The following CUL9 variants were observed in gnomAD, a reference collection of about 807,000 sequenced individuals.
The protein encoded by CUL9 is cullin 9, also known as cullin-9.
Under a neutral mutation model 272.6 loss-of-function variants are expected in CUL9, and 79 were observed. That is an observed-to-expected ratio of 0.29 (90% confidence interval 0.24 to 0.35). The LOEUF is 0.35. Ranked by LOEUF, CUL9 falls within the 10% of genes least tolerant of loss-of-function variation. CUL9 has a pLI of 1.00. For synonymous variants in CUL9, 1,186 were observed against 1,286.5 expected (o/e 0.92, Z 1.67); for missense variants, 2,532 against 3,255.6 (o/e 0.78, Z 5.41).
intron 26 of CUL9, among the ~76,000 whole-genome samples, chr6:43,210,841 A>G (rs1172248934): frequency 6.6e-6 from 1 of 152,178 alleles, no homozygotes; most frequent in Non-Finnish European, 1.5e-5. Context: ...TTAAAGAAGA[A>G]TAAATTTAAC....
At chr6:43,189,416 C>G (rs995530903) in intron 8 of CUL9, among the ~76,000 whole-genome samples, 3 of 152,156 alleles carry the variant, frequency 2.0e-5, no homozygotes, top group African/African-American at 7.2e-5. Context: ...GATCTTCTGA[C>G]CTCGTGATCT....
intron 31 of CUL9, among the ~76,000 whole-genome samples, chr6:43,219,418 G>A (rs540986310): frequency 6.6e-6 from 1 of 152,304 alleles, no homozygotes; most frequent in South Asian, 2.1e-4. Flanking sequence ...CAGGGCAGAG[G>A]GGGACCCTGA....
chr6:43,191,252 TTGTGTGTGTGTGTGTGTGTGTG>T (rs58122260), intron 8 of CUL9, among the ~76,000 whole-genome samples: 1 of 126,974 alleles, frequency 7.9e-6, no homozygotes, highest in Non-Finnish European at 1.6e-5. Context: ...CTAAATTGCA[TTGTGTGTGTGTGTGTGTGTGTG>T]TGTGTGTGTG....
At position 43,223,446 on chromosome 6, in the gene CUL9, A is replaced by G. The variant is rs374848518; in HGVS notation, c.7284+49A>G. 2.6e-6 allele frequency: 4 copies of G among 1,542,928 alleles called. No homozygotes were observed. In the African/African-American group the frequency reaches 5.4e-5, roughly 21 times the overall value. On this transcript the variant is annotated intron_variant, in intron 39 of 40. Transcript: ENST00000252050. This position sits in a 1 kb window ranked among gnomAD's most constrained non-coding sequence, Gnocchi z 4.1. ...CTGCTCCTGCATTCTGCGGGAGTTG[A>G]GGTCCTCCTGTCCCAGCACAGCCCC...
chr6:43,220,403 C>A lies in CUL9; in HGVS notation c.6283-56C>A. 1 of 1,599,648 alleles carries A rather than the reference C, an allele frequency of 6.3e-7. No individual in the cohort carries two copies. Among genetic ancestry groups the A allele is most frequent in the East Asian group, 2.2e-5 (1 of 44,764 alleles). On this transcript the variant is annotated intron_variant, in intron 31 of 40. Transcript: ENST00000252050. This position sits in a 1 kb window ranked among gnomAD's most constrained non-coding sequence, Gnocchi z 4.9. ...ACGCTAGCTTAGTTACCAGGACACT[C>A]CCCCTGTGCTGCTCCCACACTGTCT...
At chr6:43,216,124 G>A (rs1217747507) in intron 30 of CUL9, 34 bp from the exon 31 acceptor site, 2 of 1,575,366 alleles carry the variant, frequency 1.3e-6, no homozygotes, top group South Asian at 1.1e-5. Flanking sequence ...AGCAGGGCAG[G>A]AATACTGACT....
rs769863402 is a variant in CUL9 at position 43,196,633 on chromosome 6, C to T, written c.2586-12C>T. 7 of 1,609,474 alleles carry T rather than the reference C, an allele frequency of 4.3e-6. No homozygotes were observed. The Admixed American group carries it at 8.3e-5, about 19-fold the overall frequency. On this transcript the variant is annotated splice_polypyrimidine_tract_variant and intron_variant, in intron 10 of 40. Coordinates refer to ENST00000252050, the MANE Select transcript of CUL9 (RefSeq NM_015089.4). Reference sequence around the variant, plus strand: ...TCTCTCAGTTTCTTCCTGGTCACCTCCCTCCTCCCAGGTGCTCTTCTGCAG... The same window carrying T: ...TCTCTCAGTTTCTTCCTGGTCACCTTCCTCCTCCCAGGTGCTCTTCTGCAG...
chr6:43,222,902 C>T lies in CUL9; in HGVS notation c.7150+6C>T, dbSNP rs1164957947. On this transcript the variant is annotated splice_donor_region_variant and intron_variant, in intron 38 of 40. Transcript: ENST00000252050. ...TGCCCTGCAGATCCTCCTGGGTGAG[C>T]CACCCCTGCCAGCCAGGCCCTCCTC... 1 of 1,608,980 alleles carries T rather than the reference C, an allele frequency of 6.2e-7. No individual in the cohort carries two copies. Among genetic ancestry groups the T allele is most frequent in the Admixed American group, 1.7e-5 (1 of 59,970 alleles).
rs1329807316 is a variant in CUL9, at chr6:43,200,538, C to T, written c.3475+12C>T. On this transcript the variant is annotated intron_variant, in intron 15 of 40. Transcript: ENST00000252050. This position sits in a 1 kb window ranked among gnomAD's most constrained non-coding sequence, Gnocchi z 4.0. ...GCATCTCTGCCAGGGTTAGTGCCCT[C>T]ATCTGCTTTCTCCTGGCTCCCATCC... 6.2e-7 allele frequency: 1 copy of T among 1,614,228 alleles called. No homozygotes were observed. Among genetic ancestry groups the T allele is most frequent in the South Asian group, 1.1e-5 (1 of 91,082 alleles).
In CUL9 at chr6:43,184,673, G is replaced by A. The variant is rs1471384731; in HGVS notation, c.363G>A (p.Ala121=). Residue 121 remains alanine (A), a synonymous_variant, in exon 2 of 41, where the codon GCG becomes GCA. Transcript: ENST00000252050. The surrounding 1 kb of genome is among the most constrained non-coding windows in gnomAD (Gnocchi z 4.8). ...AMGEMEADVQ[A]LVRRAARQLA... Reference sequence around the variant, plus strand: ...GAGAGATGGAGGCTGATGTTCAGGCGCTGGTACGCAGGGCGGCCAGGCAGC... The same window carrying A: ...GAGAGATGGAGGCTGATGTTCAGGCACTGGTACGCAGGGCGGCCAGGCAGC... 3.7e-6 allele frequency: 6 copies of A among 1,611,860 alleles called. No individual in the cohort carries two copies. The African/African-American group carries it at 4.0e-5, about 11-fold the overall frequency.
chr6:43,202,711 C>T lies in CUL9; in HGVS notation c.3648-5C>T. 2 of 1,613,702 alleles carry T rather than the reference C, an allele frequency of 1.2e-6. No individual in the cohort carries two copies. The highest frequency in any genetic ancestry group is 2.2e-5 in the South Asian group (2 of 91,072). On this transcript the variant is annotated splice_polypyrimidine_tract_variant and splice_region_variant and intron_variant, in intron 16 of 40. Coordinates refer to ENST00000252050, the MANE Select transcript of CUL9 (RefSeq NM_015089.4). ...GCTTTGACTGTTTCCTTTCTTCTTTCCCAGGCAGCTCACTTTGCTGGTGGC... is the reference window on the plus strand; with the variant it reads ...GCTTTGACTGTTTCCTTTCTTCTTTTCCAGGCAGCTCACTTTGCTGGTGGC...
chr6:43,223,269 A>G lies in CUL9; in HGVS notation c.7156A>G (p.Thr2386Ala), dbSNP rs765297204. ...TGTGCCTGCCCCCTCTGCAGAGGAAACCCTGCTGCGGTGCAGAGACCTGGC... is the reference window on the plus strand; with the variant it reads ...TGTGCCTGCCCCCTCTGCAGAGGAAGCCCTGCTGCGGTGCAGAGACCTGGC... ...TNALQILLEE[T>A]LLRCRDLASS... The change falls in exon 39 of 41, where the codon ACC (threonine) becomes GCC (alanine). Residue 2386 changes from threonine (T) to alanine (A), a missense_variant. Transcript: ENST00000252050. This position sits in a 1 kb window ranked among gnomAD's most constrained non-coding sequence, Gnocchi z 4.1. The G allele has an allele frequency of 3.1e-6, 5 of 1,596,872 alleles. No homozygotes were observed. The highest frequency in any genetic ancestry group is 4.3e-6 in the Non-Finnish European group (5 of 1,171,078).
chr6:43,183,007 CTTT>C (rs1582268737), intron 1 of CUL9, among the ~76,000 whole-genome samples: 1 of 152,144 alleles, frequency 6.6e-6, no homozygotes, highest in East Asian at 1.9e-4. Flanking sequence ...GTTCCAAGTG[CTTT>C]ACATACATGA....
At chr6:43,207,974 A>T (rs1029178801) in intron 26 of CUL9, among the ~76,000 whole-genome samples, 3 of 152,350 alleles carry the variant, frequency 2.0e-5, no homozygotes, top group African/African-American at 7.2e-5. Flanking sequence ...TATGATGGTG[A>T]ATTTTTTAAA....
At position 43,221,907 on chromosome 6, in the gene CUL9, G is replaced by C. The variant is rs45448395; in HGVS notation, c.6846+129G>C. 2 of 801,632 alleles carry C rather than the reference G, an allele frequency of 2.5e-6. No homozygotes were observed. The highest frequency in any genetic ancestry group is 1.7e-5 in the South Asian group (1 of 57,544). The allele number at this position is 801,632 out of a possible 1,614,324, so 49.7% of individuals were successfully genotyped here. On this transcript the variant is annotated intron_variant, in intron 35 of 40. Coordinates refer to ENST00000252050, the MANE Select transcript of CUL9 (RefSeq NM_015089.4). This position sits in a 1 kb window ranked among gnomAD's most constrained non-coding sequence, Gnocchi z 4.2. ...CTAGCTGTTGGGATAGAGGCTCACTGTGGGGAAGACAGAGCCACCTGGGCC... is the reference window on the plus strand; with the variant it reads ...CTAGCTGTTGGGATAGAGGCTCACTCTGGGGAAGACAGAGCCACCTGGGCC...
At position 43,206,837 on chromosome 6, in the gene CUL9, A is replaced by T. The variant is rs1330217442; in HGVS notation, c.5212+327A>T. On this transcript the variant is annotated intron_variant, in intron 26 of 40. Coordinates refer to ENST00000252050, the MANE Select transcript of CUL9 (RefSeq NM_015089.4). This position sits in a 1 kb window ranked among gnomAD's most constrained non-coding sequence, Gnocchi z 4.8. ...CTTTAGTGGCATCCTATAAAGTTTT[A>T]AAAGATTTTTTTTCTTTATTTTTTT... 6.6e-6 allele frequency among the ~76,000 whole-genome samples: 1 copy of T among 152,058 alleles called. No homozygotes were observed. Among genetic ancestry groups the T allele is most frequent in the East Asian group, 1.9e-4 (1 of 5,196 alleles).
chr6:43,198,844 G>A lies in CUL9; in HGVS notation c.3039G>A (p.Leu1013=), dbSNP rs1397606742. 6.2e-7 allele frequency: 1 copy of A among 1,613,534 alleles called. No homozygotes were observed. The highest frequency in any genetic ancestry group is 8.5e-7 in the Non-Finnish European group (1 of 1,180,036). ...DAPGPNKTLL[L]SVLRVITRLL... ...CGGGGCCCAACAAGACTCTGCTGCT[G>A]TCTGTGCTGAGGTGAGGGGCCTGTT... The change falls in exon 12 of 41, where the codon CTG becomes CTA. Residue 1013 remains leucine, a synonymous_variant. Transcript: ENST00000252050.
At position 43,222,660 on chromosome 6, in the gene CUL9, A is replaced by G. The variant is rs1776470323; in HGVS notation, c.7032+19A>G. On this transcript the variant is annotated intron_variant, in intron 37 of 40. Transcript: ENST00000252050. Reference sequence around the variant, plus strand: ...TCGGAAGGTGGTAGCGGGTGGGGGAAGAGAGCAGGGGAGGGGTGTGCCAAA... The same window carrying G: ...TCGGAAGGTGGTAGCGGGTGGGGGAGGAGAGCAGGGGAGGGGTGTGCCAAA... 6.2e-7 allele frequency: 1 copy of G among 1,610,508 alleles called. No individual in the cohort carries two copies. The highest frequency in any genetic ancestry group is 2.2e-5 in the East Asian group (1 of 44,874).
chr6:43,205,690 G>A (rs962248146), intron 24 of CUL9, among the ~76,000 whole-genome samples: 7 of 152,026 alleles, frequency 4.6e-5, no homozygotes, highest in Admixed American at 6.6e-5. Context: ...GTGTGGTGGC[G>A]TGGTGGCAGG....
Sources: gnomAD v4.1 joint callset for allele counts (sites outside exome capture counted in the v4.1 genomes callset) on GRCh38, gnomAD v4.1.1 for gene constraint, Gnocchi (gnomAD v3.1) non-coding constraint, MANE v1.5 for transcripts, NCBI Gene and HGNC (gene_info 2026-07-23, HGNC 2026-07-21) for gene names.